Variants in CCDC144A observed in about 807,000 individuals in gnomAD.
CCDC144A encodes the protein coiled-coil domain containing 144A.
Under a neutral mutation model 143.8 loss-of-function variants are expected in CCDC144A, and 41 were observed. That is an observed-to-expected ratio of 0.29 (90% CI 0.22 to 0.37). The LOEUF (loss-of-function observed/expected upper bound fraction) is 0.37, where lower values mean the gene tolerates loss of function less well. Among genes scored for constraint, CCDC144A ranks in the 10% least tolerant of loss-of-function variants. The pLI is 1.00. For missense variants in CCDC144A, 637 were observed against 1,488.8 expected (o/e 0.43, Z 9.41); for synonymous variants, 242 against 517.9 (o/e 0.47, Z 7.23).
intron 12 of CCDC144A, among the ~76,000 whole-genome samples, chr17:16,747,528 T>C (rs1210329954): frequency 1.3e-5 from 2 of 152,248 alleles, no homozygotes; most frequent in African/African-American, 4.8e-5. Context: ...TTTAATGCTA[T>C]TGATTTTTCC....
chr17:16,697,924 G>A (rs1911511280), intron 2 of CCDC144A, among the ~76,000 whole-genome samples: 1 of 152,212 alleles, frequency 6.6e-6, no homozygotes, highest in Non-Finnish European at 1.5e-5. Context: ...ACCGGGACAC[G>A]AGGGAGTAGG....
At chr17:16,753,444 T>TTTTTTTTTTTTTTTTTTTG (rs1914913003) in intron 12 of CCDC144A, among the ~76,000 whole-genome samples, 1 of 128,942 alleles carries the variant, frequency 7.8e-6, no homozygotes, top group Non-Finnish European at 1.6e-5. Context: ...TTTTTTTTTT[T>TTTTTTTTTTTTTTTTTTTG]TTTTTTTTTT....
At chr17:16,740,154 G>A (rs1409595391) in intron 12 of CCDC144A, among the ~76,000 whole-genome samples, 1 of 151,010 alleles carries the variant, frequency 6.6e-6, no homozygotes, top group Non-Finnish European at 1.5e-5. Flanking sequence ...TCTATGAAGG[G>A]CAAGATTAAG....
At chr17:16,745,579 A>G in intron 12 of CCDC144A, 4 of 1,512,556 alleles carry the variant, frequency 2.6e-6, no homozygotes, top group Non-Finnish European at 3.6e-6. Flanking sequence ...GGTCATTTAC[A>G]CGTTTCTGGG....
upstream of CCDC144A, among the ~76,000 whole-genome samples, chr17:16,687,597 C>T (rs73978623): frequency 0.012 from 1,771 of 152,262 alleles, 30 homozygotes; most frequent in African/African-American, 0.04. Flanking sequence ...ACGAACATTA[C>T]GGAGACTCCC....
At chr17:16,676,131 G>C in the CCDC144A span, among the ~76,000 whole-genome samples, 1 of 151,626 alleles carries the variant, frequency 6.6e-6, no homozygotes, top group African/African-American at 2.4e-5. Context: ...GTGGAGACTG[G>C]ATTGAAAAAA....
chr17:16,772,629 C>A (rs1915866561), intron 16 of CCDC144A: 1 of 1,562,884 alleles, frequency 6.4e-7, no homozygotes, highest in Non-Finnish European at 8.8e-7. Context: ...GCACAGAATT[C>A]CACAGTGCTC....
At chr17:16,759,337 A>C (rs1234062955) in intron 12 of CCDC144A, among the ~76,000 whole-genome samples, 1 of 152,244 alleles carries the variant, frequency 6.6e-6, no homozygotes. Context: ...AGGCTTACAC[A>C]TATCATGTCA....
chr17:16,694,074 T>G (rs1321962484), intron 2 of CCDC144A, among the ~76,000 whole-genome samples: 3 of 149,112 alleles, frequency 2.0e-5, no homozygotes, highest in South Asian at 2.2e-4. Flanking sequence ...TTGAGCAGGC[T>G]AAGGAGAAGG....
In CCDC144A at chr17:16,720,182, T is replaced by G; in HGVS notation, c.1716-16T>G. On this transcript the variant is annotated splice_polypyrimidine_tract_variant and intron_variant, in intron 6 of 16. Transcript: ENST00000399273. ...TCTTTGCTATTTTTCTAAAAGGAATTGTTTTTTTTTTTCAGGCCTGCAGAT... is the reference window on the plus strand; with the variant it reads ...TCTTTGCTATTTTTCTAAAAGGAATGGTTTTTTTTTTTCAGGCCTGCAGAT... 6 of 1,512,434 alleles carry G rather than the reference T, an allele frequency of 4.0e-6. No individual in the cohort carries two copies. Among genetic ancestry groups the G allele is most frequent in the Non-Finnish European group, 5.3e-6 (6 of 1,132,128 alleles). 93.7% of individuals were successfully genotyped at this position (1,512,434 alleles called of 1,614,324 possible).
chr17:16,690,417 G>T lies in CCDC144A; in HGVS notation c.17G>T (p.Gly6Val). 3.8e-6 allele frequency: 6 copies of T among 1,578,142 alleles called. No homozygotes were observed. Among genetic ancestry groups the T allele is most frequent in the Non-Finnish European group, 5.2e-6 (6 of 1,160,624 alleles). Residue 6 changes from glycine (G) to valine (V), a missense_variant, in exon 1 of 17, where the codon GGA (glycine) becomes GTA (valine). Gly to Val is a moderately radical substitution (Grantham distance 109). Coordinates refer to ENST00000399273, the MANE Select transcript of CCDC144A (RefSeq NM_001382000.1). MASWG[G>V]EKRGGAEGSP... ...TCGCTACTGATGGCCTCCTGGGGTG[G>T]AGAAAAGCGGGGAGGGGCTGAGGGG...
At chr17:16,668,136 A>G in the CCDC144A span, among the ~76,000 whole-genome samples, 1 of 147,250 alleles carries the variant, frequency 6.8e-6, no homozygotes, top group Non-Finnish European at 1.5e-5. Context: ...GAATTTATTA[A>G]ATATTCCCAA....
At chr17:16,683,404 A>G in the CCDC144A span, 1 of 799,088 alleles carries the variant, frequency 1.3e-6, no homozygotes, top group Non-Finnish European at 2.0e-6. Context: ...GGTTCTTGGG[A>G]GTCAAAATGC....
chr17:16,678,777 G>A, the CCDC144A span, among the ~76,000 whole-genome samples: 7,267 of 131,760 alleles, frequency 0.055, 252 homozygotes, highest in Middle Eastern at 0.1. Context: ...TTTTTTGGTC[G>A]GAGTTTTGCT....
chr17:16,744,299 C>T (rs1337798407), intron 12 of CCDC144A, among the ~76,000 whole-genome samples: 4 of 152,176 alleles, frequency 2.6e-5, no homozygotes, highest in Non-Finnish European at 5.9e-5. Context: ...ACGAATTTAC[C>T]ATTTTCTCCA....
chr17:16,759,184 C>T (rs988628229), intron 12 of CCDC144A, among the ~76,000 whole-genome samples: 1 of 152,192 alleles, frequency 6.6e-6, no homozygotes, highest in African/African-American at 2.4e-5. Context: ...GTCTGGATGG[C>T]ATTTGCATTT....
intron 8 of CCDC144A, among the ~76,000 whole-genome samples, chr17:16,722,264 T>C (rs1325654447): frequency 6.6e-6 from 1 of 152,218 alleles, no homozygotes; most frequent in East Asian, 1.9e-4. Flanking sequence ...AAACCGTGTA[T>C]TTAGGGATAA....
At chr17:16,683,466 G>T in the CCDC144A span, 19 of 1,339,474 alleles carry the variant, frequency 1.4e-5, no homozygotes, top group South Asian at 2.3e-4. Flanking sequence ...TGGCGGCAGA[G>T]TCGCCTTGGC....
intron 12 of CCDC144A, chr17:16,746,241 A>G (rs1325367917): frequency 4.9e-6 from 6 of 1,234,504 alleles, no homozygotes; most frequent in Non-Finnish European, 5.5e-6. Flanking sequence ...TTTCTCTGCA[A>G]TTTTCTTCTG....
Sources: allele counts gnomAD v4.1 joint callset (sites outside exome capture counted in the v4.1 genomes callset), GRCh38; gene constraint gnomAD v4.1.1; transcripts MANE v1.5; gene names NCBI Gene and HGNC (gene_info 2026-07-23, HGNC 2026-07-21).